Variants in DENND2D observed in about 807,000 individuals in gnomAD.
The protein encoded by DENND2D is DENN domain containing 2D.
Under a neutral mutation model 59.8 loss-of-function variants are expected in DENND2D, and 37 were observed. The observed-to-expected ratio is 0.62, with a 90% CI of 0.48 to 0.81. The LOEUF is 0.81. Ranked by LOEUF, DENND2D falls within the 40% of genes least tolerant of loss-of-function variation. The pLI is 0.00. For synonymous variants in DENND2D, 219 were observed against 211.3 expected (o/e 1.04, Z -0.31); for missense variants, 525 against 579.7 (o/e 0.91, Z 0.97).
At chr1:111,195,494 T>G (rs629608) in intron 6 of DENND2D, 106,262 of 181,106 alleles carry the variant, frequency 0.59, 31,667 homozygotes, top group African/African-American at 0.66. Context: ...AACGATAGCA[T>G]TCCCCTGTGC....
intron 7 of DENND2D, among the ~76,000 whole-genome samples, chr1:111,193,910 A>G (rs745930780): frequency 6.6e-6 from 1 of 152,328 alleles, no homozygotes; most frequent in East Asian, 1.9e-4. Context: ...AGAAGCTAGC[A>G]CTCAGCAATA....
chr1:111,188,273 A>G lies in DENND2D; in HGVS notation c.1197T>C (p.Asn399=), dbSNP rs937701528. The G allele has an allele frequency of 6.8e-6, 11 of 1,614,062 alleles. No individual in the cohort carries two copies. In the Admixed American group the frequency reaches 8.3e-5, roughly 12 times the overall value. Residue 399 remains asparagine, a synonymous_variant, in exon 11 of 12, where the codon AAT becomes AAC. Coordinates refer to ENST00000357640, the MANE Select transcript of DENND2D (RefSeq NM_024901.5). ...ATCTTTCTTGGAAGTGGCCTTGCCC[A>G]TTTGCCTCCCGCTTGATATAGGAAG... The part of the protein sequence containing the change: ...HYASYIKREA[N]GQGHFQERSF...
rs1433630396 is a variant in DENND2D at position 111,192,290 on chromosome 1, A to G, written c.822T>C (p.Ala274=). 2.2e-5 allele frequency: 36 copies of G among 1,610,268 alleles called. No homozygotes were observed. The highest frequency in any genetic ancestry group is 2.9e-5 in the Non-Finnish European group (34 of 1,177,556). ...AGCTGAAGGGGTAGAGCAGTGCGGC[A>G]GCAGCATGGATGCACTGAGACAAGG... The part of the protein sequence containing the change: ...LSTLSQCIHA[A]AALLYPFSWA... Residue 274 remains alanine (A), a synonymous_variant, in exon 8 of 12, where the codon GCT becomes GCC. Coordinates refer to ENST00000357640, the MANE Select transcript of DENND2D (RefSeq NM_024901.5).
intron 5 of DENND2D, 55 bp from the exon 6 acceptor site, chr1:111,196,111 T>G: frequency 6.5e-7 from 1 of 1,541,710 alleles, no homozygotes; most frequent in East Asian, 2.3e-5. Context: ...ACCAGGCAGG[T>G]GGAAGAGACT....
chr1:111,202,424 A>T (rs952283694), upstream of DENND2D: 2 of 152,200 alleles, frequency 1.3e-5, no homozygotes, highest in African/African-American at 4.8e-5. Context: ...CATATAAGGC[A>T]TCTCATTTAA....
intron 3 of DENND2D, 76 bp from the exon 4 acceptor site, chr1:111,198,065 G>T: frequency 2.1e-6 from 3 of 1,458,848 alleles, no homozygotes; most frequent in South Asian, 2.4e-5. Flanking sequence ...GCACTAGAGG[G>T]TGGAGAGGAG....
At chr1:111,199,824 G>T in intron 1 of DENND2D, 26 bp from the exon 2 acceptor site, 1 of 1,602,864 alleles carries the variant, frequency 6.2e-7, no homozygotes. Flanking sequence ...AGCCCATTTA[G>T]TATAATCTCA....
chr1:111,194,790 G>C, intron 6 of DENND2D, 64 bp from the exon 7 acceptor site: 1 of 1,568,738 alleles, frequency 6.4e-7, no homozygotes, highest in South Asian at 1.1e-5. Context: ...ACCCCGAGGT[G>C]CTAGGCCTCT....
At chr1:111,191,264 A>G (rs1571178341) in intron 8 of DENND2D, among the ~76,000 whole-genome samples, 1 of 152,322 alleles carries the variant, frequency 6.6e-6, no homozygotes, top group Non-Finnish European at 1.5e-5. Flanking sequence ...TTTACTTTGC[A>G]GCAATGGTTT....
Position 111,187,418 on chromosome 1 carries a change from A to G in DENND2D, c.*187T>C, listed in dbSNP as rs544458139. On this transcript the variant is annotated 3_prime_UTR_variant, in exon 12 of 12. Coordinates refer to ENST00000357640, the MANE Select transcript of DENND2D (RefSeq NM_024901.5). Reference sequence around the variant, plus strand: ...GTGAGCATGGTGTCAGAGCCCTCCAAAGTCCTGAGAAATCAATACCAGGGA... The same window carrying G: ...GTGAGCATGGTGTCAGAGCCCTCCAGAGTCCTGAGAAATCAATACCAGGGA... 1.7e-3 allele frequency: 1,026 copies of G among 598,718 alleles called. 23 individuals carry two copies. The South Asian group carries it at 0.02, about 12-fold the overall frequency. 37.1% of individuals were successfully genotyped at this position (598,718 alleles called of 1,614,324 possible). A position where few individuals can be genotyped will look rare whatever the true frequency, so the allele number is the denominator to read the frequency against.
At chr1:111,196,224 G>A in intron 5 of DENND2D, 168 bp from the exon 6 acceptor site, 1 of 746,210 alleles carries the variant, frequency 1.3e-6, no homozygotes, top group South Asian at 2.2e-5. Flanking sequence ...CCTGGCAGAG[G>A]CTGGGCTCAT....
intron 8 of DENND2D, among the ~76,000 whole-genome samples, chr1:111,190,163 C>CAAAAA (rs533745407): frequency 0.027 from 2,310 of 85,026 alleles, 65 homozygotes; most frequent in East Asian, 0.055. Flanking sequence ...GACTCTGTCT[C>CAAAAA]AAAAAAAAAA....
chr1:111,189,991 T>C (rs545309049), intron 8 of DENND2D, among the ~76,000 whole-genome samples: 58 of 151,836 alleles, frequency 3.8e-4, no homozygotes, highest in East Asian at 5.8e-4. Flanking sequence ...GGTGAAACCC[T>C]GTCTCTACTA....
In DENND2D at chr1:111,199,715, GC is replaced by G; in HGVS notation, c.150del (p.Gln51SerfsTer24). ...ACAAGAAGGTATTCAAAGAAGTGCT[GC>G]CCCCCAGCAAAGTTGGGCAAAGAGT... ...QEHSLPNFAG[G>X]QHFFEYLLVV... is the part of the protein sequence containing the mutation. On this transcript the variant is annotated frameshift_variant, in exon 2 of 12. Coordinates refer to ENST00000357640, the MANE Select transcript of DENND2D (RefSeq NM_024901.5). LOFTEE classifies it high-confidence loss of function. The G allele has an allele frequency of 6.2e-7, 1 of 1,614,126 alleles. No homozygotes were observed. Among genetic ancestry groups the G allele is most frequent in the South Asian group, 1.1e-5 (1 of 91,078 alleles).
intron 8 of DENND2D, 110 bp downstream of exon 8, chr1:111,192,030 A>T: frequency 9.5e-7 from 1 of 1,050,118 alleles, no homozygotes; most frequent in Non-Finnish European, 1.3e-6. Flanking sequence ...GCTCAGGCTT[A>T]AAGAGGTAAG....
At chr1:111,191,976 C>T (rs553774664) in intron 8 of DENND2D, among the ~76,000 whole-genome samples, 164 bp downstream of exon 8, 1 of 152,312 alleles carries the variant, frequency 6.6e-6, no homozygotes, top group East Asian at 1.9e-4. Context: ...CCCCCAGAAT[C>T]CTTAGGAAGT....
chr1:111,192,695 G>A (rs1429176414), intron 7 of DENND2D, among the ~76,000 whole-genome samples: 1 of 152,204 alleles, frequency 6.6e-6, no homozygotes, highest in African/African-American at 2.4e-5. Flanking sequence ...ATACCTCACA[G>A]ATGTGGATAC....
At chr1:111,200,677 C>G, upstream of DENND2D, 2 of 1,333,158 alleles carry the variant, frequency 1.5e-6, no homozygotes, top group Non-Finnish European at 9.7e-7. Context: ...CAGAAGCCAG[C>G]ACCAACAGAG....
chr1:111,197,658 A>G (rs1297533837), intron 4 of DENND2D: 1 of 1,379,822 alleles, frequency 7.2e-7, no homozygotes, highest in East Asian at 2.7e-5. Flanking sequence ...TGGATAGAGC[A>G]GGCAGGGAGA....
Sources: gnomAD v4.1 joint callset for allele counts (sites outside exome capture counted in the v4.1 genomes callset) on GRCh38, gnomAD v4.1.1 for gene constraint, MANE v1.5 for transcripts, NCBI Gene and HGNC (gene_info 2026-07-23, HGNC 2026-07-21) for gene names.